ABCA13: variants seen among roughly 807,000 people sequenced by gnomAD.
The protein encoded by ABCA13 is ATP-binding cassette sub-family A member 13.
A neutral mutation model predicts 478.7 loss-of-function variants in ABCA13; 476 were observed. That is an observed-to-expected ratio of 0.99 (90% CI 0.92 to 1.07). ABCA13 has a LOEUF of 1.07. Ranked by LOEUF, ABCA13 falls within the 50% of genes least tolerant of loss-of-function variation. The pLI is 0.00. For synonymous variants in ABCA13, 2,252 were observed against 2,158.9 expected, an observed-to-expected ratio of 1.04 and a Z score of -1.20; for missense variants, 6,060 against 5,910.6, an observed-to-expected ratio of 1.03 and a Z score of -0.83.
intron 59 of ABCA13, among the ~76,000 whole-genome samples, chr7:48,625,589 A>C (rs1793594446): frequency 6.6e-6 from 1 of 152,104 alleles, no homozygotes; most frequent in South Asian, 2.1e-4. Context: ...TTGTCATCTC[A>C]TTTGTTGTCA....
intron 29 of ABCA13, among the ~76,000 whole-genome samples, chr7:48,345,036 CA>C (rs1277891974): frequency 1.3e-5 from 2 of 152,168 alleles, no homozygotes; most frequent in Non-Finnish European, 2.9e-5. Context: ...CATTGATCTG[CA>C]TACATGATGA....
chr7:48,304,758 G>A (rs879336366), intron 23 of ABCA13, among the ~76,000 whole-genome samples: 6 of 152,046 alleles, frequency 3.9e-5, no homozygotes, highest in African/African-American at 9.7e-5. Flanking sequence ...CATGTACTCC[G>A]TAAACCTAAA....
chr7:48,253,177 G>T lies in ABCA13; in HGVS notation c.2005+3826G>T, dbSNP rs760109227. Among the ~76,000 whole-genome samples, 7 of 152,282 alleles carry T rather than the reference G, an allele frequency of 4.6e-5. No homozygotes were observed. In the South Asian group the frequency reaches 1.2e-3, roughly 27 times the overall value. On this transcript the variant is annotated intron_variant, in intron 15 of 61. Coordinates refer to ENST00000435803, the MANE Select transcript of ABCA13 (RefSeq NM_152701.5). ...ATTGATTACTCCTAGCCGCCTGCAG[G>T]TCTGCAGACTCCCTGCAGCTCTAAC... is the stretch of plus-strand genomic sequence containing the variant.
chr7:48,405,854 T>A (rs1408768114), intron 39 of ABCA13, among the ~76,000 whole-genome samples: 1 of 152,242 alleles, frequency 6.6e-6, no homozygotes, highest in East Asian at 1.9e-4. Flanking sequence ...TTAGCAATTT[T>A]TTTTGTCTTT....
intron 55 of ABCA13, among the ~76,000 whole-genome samples, chr7:48,537,813 A>G (rs1563409087): frequency 6.6e-6 from 1 of 152,078 alleles, no homozygotes; most frequent in African/African-American, 2.4e-5. Flanking sequence ...ACCAGGGGTG[A>G]CTCAGGACTG....
chr7:48,378,796 T>A (rs1177281357), intron 35 of ABCA13, among the ~76,000 whole-genome samples: 3 of 152,248 alleles, frequency 2.0e-5, no homozygotes, highest in Non-Finnish European at 2.9e-5. Context: ...ATGTACCTTT[T>A]CTAGGGAATG....
intron 54 of ABCA13, 30 bp from the exon 55 acceptor site, chr7:48,528,206 T>C (rs1385810985): frequency 6.7e-7 from 1 of 1,490,254 alleles, no homozygotes; most frequent in Admixed American, 2.0e-5. Context: ...TTTGATTGAA[T>C]GTGCTTTACT....
At chr7:48,639,284 C>T (rs958073052) in intron 59 of ABCA13, among the ~76,000 whole-genome samples, 1 of 152,198 alleles carries the variant, frequency 6.6e-6, no homozygotes, top group African/African-American at 2.4e-5. Flanking sequence ...TCCTCAGTGC[C>T]ATCCTCTCCT....
intron 2 of ABCA13, among the ~76,000 whole-genome samples, chr7:48,194,007 A>G (rs2128899568): frequency 2.0e-5 from 2 of 102,078 alleles, no homozygotes; most frequent in African/African-American, 3.5e-5. Context: ...GATGATAGCG[A>G]TGAAATGATG....
intron 42 of ABCA13, among the ~76,000 whole-genome samples, chr7:48,430,526 T>C (rs888502079): frequency 6.6e-5 from 10 of 151,974 alleles, no homozygotes; most frequent in Admixed American, 3.9e-4. Context: ...ATACAAAAAA[T>C]TAGCTGAGCA....
chr7:48,202,376 G>A (rs1383546041), intron 3 of ABCA13, among the ~76,000 whole-genome samples: 1 of 152,138 alleles, frequency 6.6e-6, no homozygotes, highest in Non-Finnish European at 1.5e-5. Context: ...GTTCTCCAAG[G>A]CCCCAGGAGA....
At chr7:48,384,257 T>G (rs564563026) in intron 35 of ABCA13, among the ~76,000 whole-genome samples, 6 of 152,242 alleles carry the variant, frequency 3.9e-5, no homozygotes, top group Non-Finnish European at 8.8e-5. Context: ...CTCCTTTGAT[T>G]TCCACACACT....
intron 23 of ABCA13, among the ~76,000 whole-genome samples, chr7:48,300,877 G>A (rs1277773256): frequency 6.6e-6 from 1 of 152,170 alleles, no homozygotes; most frequent in Non-Finnish European, 1.5e-5. Context: ...GCCCTGTGAA[G>A]CACCCATCCA....
intron 43 of ABCA13, among the ~76,000 whole-genome samples, chr7:48,463,600 A>G (rs2130050355): frequency 6.6e-6 from 1 of 152,216 alleles, no homozygotes; most frequent in East Asian, 1.9e-4. Flanking sequence ...GCCTGTAGAG[A>G]TGATGGCCCT....
At chr7:48,494,603 A>G (rs1830115795) in intron 48 of ABCA13, among the ~76,000 whole-genome samples, 1 of 152,174 alleles carries the variant, frequency 6.6e-6, no homozygotes, top group Admixed American at 6.5e-5. Flanking sequence ...GTATGGAACA[A>G]GGACTGATCC....
chr7:48,403,810 G>GAT lies in ABCA13; in HGVS notation c.12002_12003insTA (p.Glu4001AspfsTer41). 1 of 1,613,898 alleles carries GAT rather than the reference G, an allele frequency of 6.2e-7. No individual in the cohort carries two copies. The highest frequency in any genetic ancestry group is 8.5e-7 in the Non-Finnish European group (1 of 1,179,848). ...CATGTCGAGGACCGTGGTTCTGGAT[G>GAT]AGCCCACCAGTGGGGTGGACCCTTG... On this transcript the variant is annotated frameshift_variant, in exon 39 of 62. Transcript: ENST00000435803. LOFTEE classifies it high-confidence loss of function.
intron 14 of ABCA13, among the ~76,000 whole-genome samples, chr7:48,248,866 G>A (rs987795194): frequency 6.6e-6 from 1 of 152,104 alleles, no homozygotes; most frequent in Non-Finnish European, 1.5e-5. Context: ...TTGACTGCTA[G>A]GATGTTCTTC....
intron 55 of ABCA13, among the ~76,000 whole-genome samples, chr7:48,532,335 C>G (rs1033857228): frequency 6.6e-6 from 1 of 152,006 alleles, no homozygotes; most frequent in Non-Finnish European, 1.5e-5. Flanking sequence ...ACCCTGCATC[C>G]CTGGTATGAA....
Position 48,352,400 on chromosome 7 carries a change from C to T in ABCA13, c.10601C>T (p.Ala3534Val), listed in dbSNP as rs767620872. 5 of 1,613,278 alleles carry T rather than the reference C, an allele frequency of 3.1e-6. No individual in the cohort carries two copies. In the South Asian group the frequency reaches 4.4e-5, roughly 14 times the overall value. ...FAPLQDMIER[A>V]IILVQTGQEA... ...CCACTGCAAGACATGATCGAAAGAG[C>T]CATCATTTTGGTGCAGACTGGGCAG... The change falls in exon 31 of 62, where the codon GCC (alanine) becomes GTC (valine). Residue 3534 changes from alanine (A) to valine (V), a missense_variant. Physicochemically the swap from Ala to Val is moderately conservative, Grantham distance 64. Around this residue, in one of 3 missense-constraint regions of ABCA13, gnomAD observed 4,423 missense variants for 4,309.1 expected, o/e 1.03. Transcript: ENST00000435803.
Sources: gnomAD v4.1 joint callset for allele counts (sites outside exome capture counted in the v4.1 genomes callset) on GRCh38, gnomAD v4.1.1 for gene constraint, gnomAD v4.1.1 regional missense constraint, MANE v1.5 for transcripts, NCBI Gene and HGNC (gene_info 2026-07-23, HGNC 2026-07-21) for gene names.